The following CLMN variants were observed in gnomAD, a reference collection of about 807,000 sequenced individuals.
The protein encoded by CLMN is calmin.
In CLMN, 57 loss-of-function variants were observed where a neutral mutation model predicts 92.7. That is an observed-to-expected ratio of 0.61 (90% confidence interval 0.50 to 0.77). The LOEUF (loss-of-function observed/expected upper bound fraction) is 0.77. CLMN is among the 30% of genes least tolerant of loss of function. The probability of loss-of-function intolerance (pLI) is 0.00; values close to 1 mark genes in which losing one functional copy is unlikely to be tolerated. For synonymous variants in CLMN, 466 were observed against 470.6 expected, an observed-to-expected ratio of 0.99 and a Z score of 0.13; for missense variants, 1,158 against 1,237.5, an observed-to-expected ratio of 0.94 and a Z score of 0.96.
In CLMN at chr14:95,194,809, G is replaced by A. The variant is rs1413746144; in HGVS notation, c.2709-213C>T. 1.3e-5 allele frequency among the ~76,000 whole-genome samples: 2 copies of A among 152,150 alleles called. No individual in the cohort carries two copies. Among genetic ancestry groups the A allele is most frequent in the African/African-American group, 4.8e-5 (2 of 41,424 alleles). ...ATGGATATTAGTGATACACACATTGGGCCCTCATCTACAAGAAAAATCAAA... is the reference window on the plus strand; with the variant it reads ...ATGGATATTAGTGATACACACATTGAGCCCTCATCTACAAGAAAAATCAAA... On this transcript the variant is annotated intron_variant, in intron 10 of 12. Transcript: ENST00000298912. This position sits in a 1 kb window ranked among gnomAD's most constrained non-coding sequence, Gnocchi z 4.0.
intron 1 of CLMN, among the ~76,000 whole-genome samples, chr14:95,308,687 C>T (rs978625203): frequency 3.5e-5 from 5 of 144,282 alleles, no homozygotes; most frequent in Admixed American, 2.9e-4. Context: ...CATCAGTGCC[C>T]TATAACCAAT....
chr14:95,242,729 G>A (rs1192923113), intron 1 of CLMN, among the ~76,000 whole-genome samples: 6 of 152,134 alleles, frequency 3.9e-5, no homozygotes, highest in African/African-American at 1.4e-4. Flanking sequence ...CACCATGTCC[G>A]GCTCATTTTT....
chr14:95,195,472 C>T (rs1421849181), intron 10 of CLMN, among the ~76,000 whole-genome samples: 1 of 152,234 alleles, frequency 6.6e-6, no homozygotes, highest in Non-Finnish European at 1.5e-5. Context: ...GGTGGAAAGC[C>T]AGGCACCTGC....
intron 1 of CLMN, among the ~76,000 whole-genome samples, chr14:95,261,192 C>CAAAA (rs34154169): frequency 6.3e-5 from 8 of 127,898 alleles, no homozygotes; most frequent in Admixed American, 4.7e-4. Context: ...CACACAAATG[C>CAAAA]AAAAAAAAAA....
chr14:95,313,761 C>A (rs1257883245), intron 1 of CLMN, among the ~76,000 whole-genome samples: 1 of 152,178 alleles, frequency 6.6e-6, no homozygotes, highest in Admixed American at 6.5e-5. Context: ...TTTCTCTCTT[C>A]TTCTCAGACA....
intron 4 of CLMN, among the ~76,000 whole-genome samples, chr14:95,216,243 G>A (rs137988400): frequency 1.6e-3 from 243 of 152,300 alleles, no homozygotes; most frequent in African/African-American, 5.6e-3. Flanking sequence ...GCTCTCAGGA[G>A]ACTTATTCAC....
Position 95,197,467 on chromosome 14 carries a change from C to T in CLMN, c.2512-773G>A, listed in dbSNP as rs185545334. Among the ~76,000 whole-genome samples the T allele has an allele frequency of 6.6e-4, 101 of 152,190 alleles. 1 individual carries two copies. Among genetic ancestry groups the T allele is most frequent in the African/African-American group, 2.4e-3 (99 of 41,524 alleles). ...CTCTTACAGTGAGCAGTGGTTGAAT[C>T]CTTCACAACCATCATCCAATTAAAC... On this transcript the variant is annotated intron_variant, in intron 9 of 12. Coordinates refer to ENST00000298912, the MANE Select transcript of CLMN (RefSeq NM_024734.4).
In CLMN at chr14:95,309,371, T is replaced by C. The variant is rs1477350116; in HGVS notation, c.82+10340A>G. On this transcript the variant is annotated intron_variant, in intron 1 of 12. Coordinates refer to ENST00000298912, the MANE Select transcript of CLMN (RefSeq NM_024734.4). Reference sequence around the variant, plus strand: ...AGGGTAACGGCATTTCCAGGGTTCATGGATCTCCACTCCAAAAGTACACAA... The same window carrying C: ...AGGGTAACGGCATTTCCAGGGTTCACGGATCTCCACTCCAAAAGTACACAA... Among the ~76,000 whole-genome samples, 7 of 152,308 alleles carry C rather than the reference T, an allele frequency of 4.6e-5. No homozygotes were observed. In the South Asian group the frequency reaches 6.2e-4, roughly 14 times the overall value.
chr14:95,317,180 G>A (rs547349326), intron 1 of CLMN, among the ~76,000 whole-genome samples: 36 of 152,280 alleles, frequency 2.4e-4, no homozygotes, highest in African/African-American at 8.2e-4. Context: ...AACTAAGCTC[G>A]GCGTGGAGCA....
chr14:95,245,238 T>TACACA (rs1298554368), intron 1 of CLMN, among the ~76,000 whole-genome samples: 1 of 28,194 alleles, frequency 3.5e-5, no homozygotes, highest in South Asian at 1.0e-3. Flanking sequence ...TATATATATA[T>TACACA]TATATATATA....
At chr14:95,230,287 G>A (rs924755144) in intron 1 of CLMN, among the ~76,000 whole-genome samples, 154 bp from the exon 2 acceptor site, 6 of 152,214 alleles carry the variant, frequency 3.9e-5, no homozygotes, top group Non-Finnish European at 5.9e-5. Context: ...GGTTGGCAAC[G>A]CCTTACCTGG....
At chr14:95,315,897 G>C (rs367702145) in intron 1 of CLMN, among the ~76,000 whole-genome samples, 1 of 152,212 alleles carries the variant, frequency 6.6e-6, no homozygotes, top group Non-Finnish European at 1.5e-5. Context: ...CTACGTGCTC[G>C]ACACACATGT....
chr14:95,319,799 C>G lies in CLMN; in HGVS notation c.-7G>C. 4 of 1,519,678 alleles carry G rather than the reference C, an allele frequency of 2.6e-6. No homozygotes were observed. The highest frequency in any genetic ancestry group is 3.5e-6 in the Non-Finnish European group (4 of 1,136,696). The allele number at this position is 1,519,678 out of a possible 1,614,324, so 94.1% of individuals were successfully genotyped here. A position where few individuals can be genotyped will look rare whatever the true frequency, so the allele number is the denominator to read the frequency against. On this transcript the variant is annotated 5_prime_UTR_variant, in exon 1 of 13. Coordinates refer to ENST00000298912, the MANE Select transcript of CLMN (RefSeq NM_024734.4). ...CCCACTCGTGTGCAGCCATGAAGCG[C>G]GGGCGGGAGAGCCCGGGCCAGCGCG...
chr14:95,193,244 T>C (rs1361816863), intron 12 of CLMN: 3 of 958,222 alleles, frequency 3.1e-6, no homozygotes, highest in Non-Finnish European at 1.6e-6. Flanking sequence ...TGGTTTCCTA[T>C]GTTTTAAATG....
At chr14:95,208,612 T>C (rs1388524361) in intron 8 of CLMN, among the ~76,000 whole-genome samples, 1 of 152,238 alleles carries the variant, frequency 6.6e-6, no homozygotes, top group African/African-American at 2.4e-5. Flanking sequence ...AAGTTTGTCA[T>C]GGGAAGAGGT....
intron 1 of CLMN, among the ~76,000 whole-genome samples, chr14:95,295,694 T>G (rs951902771): frequency 2.6e-5 from 4 of 152,208 alleles, no homozygotes; most frequent in African/African-American, 9.7e-5. Flanking sequence ...AGTGTTCTCA[T>G]GTTGACCAAA....
At chr14:95,289,361 G>C (rs1900464519) in intron 1 of CLMN, among the ~76,000 whole-genome samples, 1 of 151,828 alleles carries the variant, frequency 6.6e-6, no homozygotes, top group African/African-American at 2.4e-5. Context: ...GGTGTGGTGG[G>C]GCGTGCCTGT....
rs540366762 is a variant in CLMN, at chr14:95,230,133, A to G, written c.83T>C (p.Val28Ala). 6.2e-7 allele frequency: 1 copy of G among 1,613,854 alleles called. No individual in the cohort carries two copies. Among genetic ancestry groups the G allele is most frequent in the Non-Finnish European group, 8.5e-7 (1 of 1,179,784 alleles). ...ISDIRVQNLQ[V>A]ERENVQKRTF... The stretch of plus-strand genomic sequence containing the variant: ...CCTCTTCTGCACATTTTCCCTCTCA[A>G]CTGAAAACAAAGACATACCATCAGC... The change falls in exon 2 of 13, where the codon GTT becomes GCT. Residue 28 changes from valine to alanine, a missense_variant and splice_region_variant. Coordinates refer to ENST00000298912, the MANE Select transcript of CLMN (RefSeq NM_024734.4).
intron 1 of CLMN, among the ~76,000 whole-genome samples, chr14:95,306,385 C>T (rs555463776): frequency 5.3e-5 from 8 of 152,038 alleles, no homozygotes; most frequent in Admixed American, 2.0e-4. Context: ...TGGTGGTGCA[C>T]GTCTGTAATC....
Sources: gnomAD v4.1 joint callset for allele counts (sites outside exome capture counted in the v4.1 genomes callset) on GRCh38, gnomAD v4.1.1 for gene constraint, Gnocchi (gnomAD v3.1) non-coding constraint, MANE v1.5 for transcripts, NCBI Gene and HGNC (gene_info 2026-07-23, HGNC 2026-07-21) for gene names.